The following HYDIN variants were observed in gnomAD, a reference collection of about 807,000 sequenced individuals.
HYDIN encodes the protein axonemal central pair apparatus protein HYDIN.
A neutral mutation model predicts 403.9 loss-of-function variants in HYDIN; 132 were observed. The observed-to-expected ratio is 0.33, with a 90% CI of 0.28 to 0.38. The LOEUF is 0.38. HYDIN is among the 10% of genes least tolerant of loss of function. The pLI is 1.00. For missense variants in HYDIN, 2,827 were observed against 5,009.5 expected, an observed-to-expected ratio of 0.56 and a Z score of 13.15; for synonymous variants, 1,202 against 1,891.7, an observed-to-expected ratio of 0.64 and a Z score of 9.46.
At chr16:70,866,952 G>C (rs1248543777) in intron 66 of HYDIN, among the ~76,000 whole-genome samples, 2 of 151,066 alleles carry the variant, frequency 1.3e-5, no homozygotes, top group Non-Finnish European at 2.9e-5. Flanking sequence ...TTGAACCTAG[G>C]AGGTGGAGGT....
intron 9 of HYDIN, among the ~76,000 whole-genome samples, chr16:71,118,454 A>C (rs550299379): frequency 2.4e-4 from 36 of 150,966 alleles, no homozygotes; most frequent in Admixed American, 2.2e-3. Context: ...GGTGCTCAAT[A>C]AATATTTGTT....
chr16:71,145,930 C>T (rs1366766879), intron 7 of HYDIN, among the ~76,000 whole-genome samples: 3 of 152,070 alleles, frequency 2.0e-5, no homozygotes, highest in Non-Finnish European at 2.9e-5. Flanking sequence ...TCAGTGAAGT[C>T]GTCACTCAAG....
At chr16:71,029,792 G>A (rs1469409481) in intron 19 of HYDIN, among the ~76,000 whole-genome samples, 2 of 152,006 alleles carry the variant, frequency 1.3e-5, no homozygotes, top group African/African-American at 2.4e-5. Flanking sequence ...ATGGAGCAGA[G>A]GGAAGGATTC....
intron 23 of HYDIN, among the ~76,000 whole-genome samples, chr16:71,015,456 A>C (rs1347704739): frequency 1.6e-5 from 2 of 121,336 alleles, no homozygotes; most frequent in Non-Finnish European, 3.2e-5. Context: ...TCATTTAGCT[A>C]TGTTACATCA....
At chr16:70,944,912 C>T (rs1248603183) in intron 41 of HYDIN, among the ~76,000 whole-genome samples, 1 of 152,126 alleles carries the variant, frequency 6.6e-6, no homozygotes, top group African/African-American at 2.4e-5. Flanking sequence ...ACCACCATGC[C>T]TTGTTAATTT....
At chr16:70,866,851 C>G (rs2039781687) in intron 66 of HYDIN, among the ~76,000 whole-genome samples, 1 of 151,546 alleles carries the variant, frequency 6.6e-6, no homozygotes, top group African/African-American at 2.4e-5. Flanking sequence ...ATGGTGAAAC[C>G]CTGTCTCTGC....
intron 9 of HYDIN, among the ~76,000 whole-genome samples, chr16:71,127,167 A>T (rs2144505527): frequency 6.6e-6 from 1 of 152,338 alleles, no homozygotes; most frequent in Middle Eastern, 3.4e-3. Context: ...GGAAAGTTTC[A>T]TGCCTTCATT....
intron 1 of HYDIN, among the ~76,000 whole-genome samples, chr16:71,222,821 A>G (rs185943162): frequency 6.6e-6 from 1 of 152,346 alleles, no homozygotes; most frequent in African/African-American, 2.4e-5. Flanking sequence ...ACTAAAAAGC[A>G]CTGCTGAAAT....
At chr16:71,058,719 T>C (rs2081983778) in intron 18 of HYDIN, among the ~76,000 whole-genome samples, 1 of 151,756 alleles carries the variant, frequency 6.6e-6, no homozygotes, top group African/African-American at 2.4e-5. Context: ...TATAGAAGAC[T>C]AGCAGGTCTA....
chr16:71,136,457 A>C (rs1263049793), intron 8 of HYDIN, among the ~76,000 whole-genome samples: 1 of 151,980 alleles, frequency 6.6e-6, no homozygotes, highest in Non-Finnish European at 1.5e-5. Context: ...TATTTTTAGG[A>C]ACGCTTTATA....
In HYDIN at chr16:70,818,402, C is replaced by T. The variant is rs2795651; in HGVS notation, c.14598G>A (p.Thr4866=). Residue 4866 remains threonine, a synonymous_variant, in exon 84 of 86, where the codon ACG becomes ACA. Coordinates refer to ENST00000393567, the MANE Select transcript of HYDIN (RefSeq NM_001270974.2). ...GGGCGATGTCGGGCATCCGGCATTCCGTGGAGAAGGTCACCGAGTAGGGCA... is the reference window on the plus strand; with the variant it reads ...GGGCGATGTCGGGCATCCGGCATTCTGTGGAGAAGGTCACCGAGTAGGGCA... ...NPLPYSVTFS[T]ECRMPDIALP... 14 of 1,613,576 alleles carry T rather than the reference C, an allele frequency of 8.7e-6. No individual in the cohort carries two copies. The highest frequency in any genetic ancestry group is 3.3e-5 in the Admixed American group (2 of 59,954).
chr16:70,968,817 A>C (rs1400880386), intron 36 of HYDIN, among the ~76,000 whole-genome samples: 1 of 152,266 alleles, frequency 6.6e-6, no homozygotes, highest in Non-Finnish European at 1.5e-5. Flanking sequence ...AATAGATATC[A>C]ACTTCAAGGT....
rs1275721318 is a variant in HYDIN at position 70,802,845 on chromosome 16, T to A, written c.*4735A>T. 1.3e-5 allele frequency: 2 copies of A among 152,364 alleles called. No homozygotes were observed. The highest frequency in any genetic ancestry group is 1.9e-4 in the East Asian group (1 of 5,192). 9.4% of individuals were successfully genotyped at this position (152,364 alleles called of 1,614,324 possible). ...TATACAGGTGGGGTTTTCATAGTTG[T>A]TAAAACCTTTGCTGACACAATCCTA... On this transcript the variant is annotated 3_prime_UTR_variant, in exon 86 of 86. Coordinates refer to ENST00000393567, the MANE Select transcript of HYDIN (RefSeq NM_001270974.2).
At chr16:71,120,531 T>A (rs1342545384) in intron 9 of HYDIN, among the ~76,000 whole-genome samples, 1 of 146,940 alleles carries the variant, frequency 6.8e-6, no homozygotes, top group Non-Finnish European at 1.5e-5. Context: ...ATGATAAATA[T>A]GATCATGAGA....
At chr16:71,003,730 C>T (rs4788711) in intron 23 of HYDIN, among the ~76,000 whole-genome samples, 5 of 151,234 alleles carry the variant, frequency 3.3e-5, no homozygotes, top group Admixed American at 2.0e-4. Context: ...ACCCAGGAGG[C>T]GGAGGCTGCA....
At position 70,850,048 on chromosome 16, in the gene HYDIN, G is replaced by T; in HGVS notation, c.12652-101C>A. On this transcript the variant is annotated intron_variant, in intron 74 of 85. Transcript: ENST00000393567. ...TGAAAAATATCCTTTGGGAAATAAG[G>T]ATGGCAGATGATGTTGGTGATTTGA... 9 of 601,298 alleles carry T rather than the reference G, an allele frequency of 1.5e-5. No homozygotes were observed. The South Asian group carries it at 1.8e-4, about 12-fold the overall frequency. The allele number at this position is 601,298 out of a possible 1,614,324, so 37.2% of individuals were successfully genotyped here.
intron 18 of HYDIN, among the ~76,000 whole-genome samples, chr16:71,053,576 G>A (rs2081741586): frequency 6.6e-6 from 1 of 151,124 alleles, no homozygotes; most frequent in South Asian, 2.1e-4. Flanking sequence ...CACATACAGT[G>A]ATATGATTTA....
At chr16:71,209,307 C>T (rs924381888) in intron 1 of HYDIN, among the ~76,000 whole-genome samples, 1 of 151,294 alleles carries the variant, frequency 6.6e-6, no homozygotes, top group Admixed American at 6.6e-5. Context: ...ATGATTATCT[C>T]AATAGATGAA....
In HYDIN at chr16:71,230,629, C is replaced by G; in HGVS notation, c.-91G>C. The G allele has an allele frequency of 6.5e-7, 1 of 1,536,108 alleles. No homozygotes were observed. The highest frequency in any genetic ancestry group is 8.7e-7 in the Non-Finnish European group (1 of 1,146,894). On this transcript the variant is annotated 5_prime_UTR_variant, in exon 1 of 86. Coordinates refer to ENST00000393567, the MANE Select transcript of HYDIN (RefSeq NM_001270974.2). ...CCGCCAAGACCCCGCGTCCAACTCA[C>G]AGACCCCGCCGCCGCTGAGGGGCTC...
Sources: allele counts gnomAD v4.1 joint callset (sites outside exome capture counted in the v4.1 genomes callset), GRCh38; gene constraint gnomAD v4.1.1; transcripts MANE v1.5; gene names NCBI Gene and HGNC (gene_info 2026-07-23, HGNC 2026-07-21).